The following MLLT3 variants were observed in gnomAD, a reference collection of about 807,000 sequenced individuals.
The protein encoded by MLLT3 is MLLT3 super elongation complex subunit.
A neutral mutation model predicts 53.2 loss-of-function variants in MLLT3; 4 were observed. The observed-to-expected ratio is 0.08, with a 90% CI of 0.04 to 0.17. The LOEUF (loss-of-function observed/expected upper bound fraction) is 0.17, where lower values mean the gene tolerates loss of function less well. Among genes scored for constraint, MLLT3 ranks in the 10% least tolerant of loss-of-function variants. MLLT3 has a pLI of 1.00. For missense variants in MLLT3, 569 were observed against 684.0 expected (o/e 0.83, Z 1.87); for synonymous variants, 283 against 230.6 (o/e 1.23, Z -2.06).
At chr9:20,375,593 TTTTTTTTTTTTCTTTTC>T (rs1297716021) in intron 5 of MLLT3, among the ~76,000 whole-genome samples, 2 of 118,690 alleles carry the variant, frequency 1.7e-5, no homozygotes, top group African/African-American at 8.4e-5. Flanking sequence ...TTTCAGTAAT[TTTTTTTTTTTTCTTTTC>T]TTTTTTTTTT....
intron 3 of MLLT3, among the ~76,000 whole-genome samples, chr9:20,455,628 C>T (rs1010596399): frequency 1.3e-5 from 2 of 151,776 alleles, no homozygotes; most frequent in South Asian, 4.2e-4. Context: ...TTGCGTAGTT[C>T]CTTAAAAGAA....
rs1820770141 is a variant in MLLT3 at position 20,342,834 on chromosome 9, G to GTATATATATATATATATGTGTA, written c.*3608_*3609insTACACATATATATATATATATA. The GTATATATATATATATATGTGTA allele has an allele frequency of 6.1e-6, 1 of 164,276 alleles. No individual in the cohort carries two copies. The highest frequency in any genetic ancestry group is 2.5e-5 in the African/African-American group (1 of 40,150). 10.2% of individuals were successfully genotyped at this position (164,276 alleles called of 1,614,324 possible). A position where few individuals can be genotyped will look rare whatever the true frequency, so the allele number is the denominator to read the frequency against. On this transcript the variant is annotated 3_prime_UTR_variant, in exon 11 of 11. Coordinates refer to ENST00000380338, the MANE Select transcript of MLLT3 (RefSeq NM_004529.4). ...AAGATTACTCTGATAATATATATGT[G>GTATATATATATATATATGTGTA]TATATATATATATATATGTATATAT... is the stretch of plus-strand genomic sequence containing the variant.
At chr9:20,565,944 ATATATATATT>A (rs1819351582) in intron 2 of MLLT3, among the ~76,000 whole-genome samples, 1 of 9,434 alleles carries the variant, frequency 1.1e-4, no homozygotes, top group South Asian at 3.7e-3. Flanking sequence ...ATATTTATAT[ATATATATATT>A]TATATATATA....
intron 2 of MLLT3, among the ~76,000 whole-genome samples, chr9:20,490,650 T>A (rs1239503721): frequency 6.6e-6 from 1 of 152,252 alleles, no homozygotes; most frequent in Admixed American, 6.5e-5. Flanking sequence ...CAGTCCCAGC[T>A]TCTGACCCAG....
intron 2 of MLLT3, among the ~76,000 whole-genome samples, chr9:20,599,308 A>C (rs1332316473): frequency 6.6e-6 from 1 of 151,474 alleles, no homozygotes; most frequent in Admixed American, 6.6e-5. Context: ...TGTCTCCAAA[A>C]AAAAAAAAAA....
intron 2 of MLLT3, among the ~76,000 whole-genome samples, chr9:20,550,186 T>C (rs1347464924): frequency 6.6e-6 from 1 of 152,210 alleles, no homozygotes; most frequent in Non-Finnish European, 1.5e-5. Flanking sequence ...CAACTATTTC[T>C]AGTTTCTCTA....
intron 4 of MLLT3, among the ~76,000 whole-genome samples, chr9:20,416,242 G>A (rs1366018000): frequency 1.3e-5 from 2 of 151,858 alleles, no homozygotes; most frequent in African/African-American, 2.4e-5. Context: ...TTGACTTACT[G>A]ATTTTTGAAA....
intron 2 of MLLT3, among the ~76,000 whole-genome samples, chr9:20,530,918 A>T (rs1224315400): frequency 6.6e-6 from 1 of 152,192 alleles, no homozygotes; most frequent in Admixed American, 6.5e-5. Flanking sequence ...GGTGTGAGCC[A>T]TCGTGCCTGG....
intron 2 of MLLT3, among the ~76,000 whole-genome samples, chr9:20,536,299 T>A (rs7037941): frequency 2.0e-5 from 3 of 152,098 alleles, no homozygotes; most frequent in Admixed American, 2.0e-4. Flanking sequence ...GAGCTCATAC[T>A]TCTAGCTCAT....
At chr9:20,500,591 C>G (rs1398894870) in intron 2 of MLLT3, among the ~76,000 whole-genome samples, 1 of 152,166 alleles carries the variant, frequency 6.6e-6, no homozygotes, top group African/African-American at 2.4e-5. Context: ...TATCCTAGTT[C>G]TCCCTGGGGC....
At chr9:20,447,451 AG>A (rs1823733161) in intron 4 of MLLT3, among the ~76,000 whole-genome samples, 1 of 152,232 alleles carries the variant, frequency 6.6e-6, no homozygotes, top group Non-Finnish European at 1.5e-5. Flanking sequence ...ATTGTCAAAT[AG>A]ATTTTGACCA....
At chr9:20,483,698 CT>C (rs10538657) in intron 2 of MLLT3, among the ~76,000 whole-genome samples, 938 of 68,774 alleles carry the variant, frequency 0.014, 9 homozygotes, top group Middle Eastern at 0.023. Context: ...CAGTAAAACT[CT>C]TTTTTTTTTT....
intron 2 of MLLT3, among the ~76,000 whole-genome samples, chr9:20,614,639 T>C (rs1340305683): frequency 1.7e-4 from 9 of 51,894 alleles, no homozygotes; most frequent in Non-Finnish European, 2.7e-4. Context: ...ATCTACAAAT[T>C]AGAAAAAAAA....
chr9:20,433,080 T>G (rs1198746599), intron 4 of MLLT3, among the ~76,000 whole-genome samples: 2 of 151,872 alleles, frequency 1.3e-5, no homozygotes, highest in African/African-American at 4.8e-5. Flanking sequence ...CCAAAAGCTC[T>G]TATGTCGGGC....
At chr9:20,564,443 A>T (rs1319937985) in intron 2 of MLLT3, among the ~76,000 whole-genome samples, 1 of 152,184 alleles carries the variant, frequency 6.6e-6, no homozygotes, top group East Asian at 1.9e-4. Flanking sequence ...TGTGTCTAGG[A>T]TCAGATGAGC....
intron 2 of MLLT3, among the ~76,000 whole-genome samples, chr9:20,500,450 C>T (rs928704193): frequency 6.6e-6 from 1 of 152,288 alleles, no homozygotes; most frequent in Middle Eastern, 3.4e-3. Flanking sequence ...AAAAGCCAAC[C>T]TAGCTTCAAA....
intron 2 of MLLT3, among the ~76,000 whole-genome samples, chr9:20,529,507 T>C (rs1315399221): frequency 1.3e-5 from 2 of 152,162 alleles, no homozygotes; most frequent in Admixed American, 1.3e-4. Flanking sequence ...GTCTAGTTCA[T>C]AAAAAGGAAC....
intron 4 of MLLT3, among the ~76,000 whole-genome samples, chr9:20,434,173 A>C (rs1252102368): frequency 3.3e-5 from 5 of 152,076 alleles, no homozygotes; most frequent in African/African-American, 1.2e-4. Flanking sequence ...TCTGCAACAA[A>C]ACTGGAGTAG....
chr9:20,368,558 C>G (rs962144314), intron 5 of MLLT3, among the ~76,000 whole-genome samples: 2 of 152,130 alleles, frequency 1.3e-5, no homozygotes, highest in African/African-American at 2.4e-5. Flanking sequence ...ATCTCTCCAA[C>G]TACCCCACAT....
Sources: gnomAD v4.1 joint callset for allele counts (sites outside exome capture counted in the v4.1 genomes callset) on GRCh38, gnomAD v4.1.1 for gene constraint, MANE v1.5 for transcripts, NCBI Gene and HGNC (gene_info 2026-07-23, HGNC 2026-07-21) for gene names.